The following CEP112 variants were observed in gnomAD, a reference collection of about 807,000 sequenced individuals.
The protein encoded by CEP112 is centrosomal protein 112, also known as centrosomal protein of 112 kDa.
A neutral mutation model predicts 153.0 loss-of-function variants in CEP112; 127 were observed. The ratio of observed to expected loss-of-function variants is 0.83; its 90% CI spans 0.72 to 0.96. The LOEUF is 0.96. Ranked by LOEUF, CEP112 falls within the 40% of genes least tolerant of loss-of-function variation. The pLI is 0.00. For synonymous variants in CEP112, 358 were observed against 374.4 expected (o/e 0.96, Z 0.51); for missense variants, 1,089 against 1,101.2 (o/e 0.99, Z 0.16).
chr17:66,160,812 T>C (rs2146757109), intron 4 of CEP112, among the ~76,000 whole-genome samples: 1 of 151,972 alleles, frequency 6.6e-6, no homozygotes, highest in East Asian at 1.9e-4. Context: ...CCAAAAGCAA[T>C]GGAAACAAAA....
chr17:66,098,339 C>A (rs533888398), intron 6 of CEP112, among the ~76,000 whole-genome samples: 69 of 152,294 alleles, frequency 4.5e-4, no homozygotes, highest in Non-Finnish European at 8.4e-4. Flanking sequence ...TTTCTTTTAA[C>A]ATCCTGGAGT....
chr17:66,130,591 G>C lies in CEP112; in HGVS notation c.565-768C>G, dbSNP rs985067016. Among the ~76,000 whole-genome samples, 120 of 151,838 alleles carry C rather than the reference G, an allele frequency of 7.9e-4. 1 individual carries two copies. Among genetic ancestry groups the C allele is most frequent in the South Asian group, 2.1e-4 (1 of 4,800 alleles). ...GAGATCAAGACCATCCTGGCTAACA[G>C]GCTGAAACCCTGTCTCTACTAAAAA... On this transcript the variant is annotated intron_variant, in intron 5 of 26. Transcript: ENST00000535342.
chr17:66,044,076 C>G (rs993083045), intron 12 of CEP112, among the ~76,000 whole-genome samples: 1 of 152,084 alleles, frequency 6.6e-6, no homozygotes, highest in East Asian at 1.9e-4. Flanking sequence ...GGTTTGAATG[C>G]TAATTTTTAA....
chr17:65,866,002 C>T (rs1390681979), intron 20 of CEP112, among the ~76,000 whole-genome samples: 1 of 151,964 alleles, frequency 6.6e-6, no homozygotes, highest in Non-Finnish European at 1.5e-5. Context: ...TCACTCAGGT[C>T]GGGGCTGTGG....
At chr17:66,163,531 TTTTAA>T (rs2071803139) in intron 4 of CEP112, among the ~76,000 whole-genome samples, 1 of 152,036 alleles carries the variant, frequency 6.6e-6, no homozygotes, top group South Asian at 2.1e-4. Flanking sequence ...AACATACTTA[TTTTAA>T]TTTTTCAAAA....
At chr17:65,662,583 T>C (rs989530625) in intron 24 of CEP112, among the ~76,000 whole-genome samples, 2 of 152,194 alleles carry the variant, frequency 1.3e-5, no homozygotes, top group African/African-American at 4.8e-5. Context: ...ATTCTGATGA[T>C]GTCTGAAAAG....
At chr17:65,861,958 A>G (rs1388376343) in intron 20 of CEP112, among the ~76,000 whole-genome samples, 1 of 152,244 alleles carries the variant, frequency 6.6e-6, no homozygotes, top group African/African-American at 2.4e-5. Flanking sequence ...CTTGTCCGTC[A>G]TAGTTGTCAT....
rs1568314896 is a variant in CEP112, at chr17:65,970,483, G to GCATGCACACATGCATGTATATTACATA, written c.1737-8886_1737-8885insTATGTAATATACATGCATGTGTGCATG. On this transcript the variant is annotated intron_variant, in intron 17 of 26. Transcript: ENST00000535342. ...ATGCACACATGCATGTATATTACAT[G>GCATGCACACATGCATGTATATTACATA]CATGCACACTACATGCATATTATAT... Among the ~76,000 whole-genome samples, 177 of 68,506 alleles carry GCATGCACACATGCATGTATATTACATA rather than the reference G, an allele frequency of 2.6e-3. 19 individuals carry two copies. The highest frequency in any genetic ancestry group is 6.5e-3 in the African/African-American group (166 of 25,564). 44.9% of individuals were successfully genotyped at this position (68,506 alleles called of 152,430 possible).
intron 17 of CEP112, among the ~76,000 whole-genome samples, chr17:66,001,709 A>G (rs1477713681): frequency 6.6e-6 from 1 of 152,208 alleles, no homozygotes; most frequent in African/African-American, 2.4e-5. Context: ...ATTAAATTTG[A>G]TAACACAAGA....
chr17:65,636,955 T>G, intron 26 of CEP112, 169 bp downstream of exon 26: 2 of 605,038 alleles, frequency 3.3e-6, no homozygotes. Flanking sequence ...AGCACTGGGA[T>G]GAGAAGGGGG....
intron 20 of CEP112, among the ~76,000 whole-genome samples, chr17:65,860,568 G>A (rs2058282126): frequency 6.6e-6 from 1 of 152,158 alleles, no homozygotes; most frequent in African/African-American, 2.4e-5. Flanking sequence ...ATTGACCAAT[G>A]AAACAGAATT....
At chr17:65,875,761 C>T (rs1484968694) in intron 20 of CEP112, among the ~76,000 whole-genome samples, 1 of 152,082 alleles carries the variant, frequency 6.6e-6, no homozygotes, top group Admixed American at 6.5e-5. Context: ...TCTCACAACC[C>T]CTATTATCTA....
intron 19 of CEP112, among the ~76,000 whole-genome samples, chr17:65,908,058 T>A (rs1268352174): frequency 6.6e-6 from 1 of 152,140 alleles, no homozygotes. Context: ...CCATAATACA[T>A]GCTACAAGGG....
At chr17:66,186,997 A>G (rs529784406) in intron 1 of CEP112, among the ~76,000 whole-genome samples, 5 of 152,082 alleles carry the variant, frequency 3.3e-5, no homozygotes, top group African/African-American at 1.2e-4. Flanking sequence ...CTCTCCCTCT[A>G]CCTGTCCTCT....
Position 65,641,079 on chromosome 17 carries a change from A to G in CEP112, c.2698-14T>C. 7.4e-7 allele frequency: 1 copy of G among 1,359,632 alleles called. No homozygotes were observed. Among genetic ancestry groups the G allele is most frequent in the Non-Finnish European group, 1.1e-6 (1 of 948,928 alleles). The allele number at this position is 1,359,632 out of a possible 1,614,324, so 84.2% of individuals were successfully genotyped here. ...TATGTAAGTTATCTAAATTGGAAAAAAATTAAGAGTTATCTTTTTACCACA... is the reference window on the plus strand; with the variant it reads ...TATGTAAGTTATCTAAATTGGAAAAGAATTAAGAGTTATCTTTTTACCACA... On this transcript the variant is annotated splice_polypyrimidine_tract_variant and intron_variant, in intron 24 of 26. Coordinates refer to ENST00000535342, the MANE Select transcript of CEP112 (RefSeq NM_001199165.4).
chr17:65,793,425 C>A (rs1166884524), intron 21 of CEP112, among the ~76,000 whole-genome samples: 1 of 152,060 alleles, frequency 6.6e-6, no homozygotes, highest in African/African-American at 2.4e-5. Flanking sequence ...ATCTGTGCAG[C>A]AAACTACCAT....
intron 11 of CEP112, among the ~76,000 whole-genome samples, chr17:66,059,677 G>A (rs1002333304): frequency 6.6e-6 from 1 of 152,154 alleles, no homozygotes; most frequent in Non-Finnish European, 1.5e-5. Flanking sequence ...CAGAGAAAAA[G>A]GAATGCTTAT....
intron 19 of CEP112, among the ~76,000 whole-genome samples, chr17:65,906,413 A>G (rs932732783): frequency 6.6e-6 from 1 of 151,532 alleles, no homozygotes; most frequent in African/African-American, 2.4e-5. Flanking sequence ...AACTTAAAGT[A>G]TAATAATAAT....
At chr17:65,689,056 C>T (rs11079582) in intron 24 of CEP112, 73 bp downstream of exon 24, 378,252 of 1,104,892 alleles carry the variant, frequency 0.34, 65,153 homozygotes, top group Middle Eastern at 0.45. Flanking sequence ...GTGTGAGCCA[C>T]TGCACCTGGC....
Sources: gnomAD v4.1 joint callset for allele counts (sites outside exome capture counted in the v4.1 genomes callset) on GRCh38, gnomAD v4.1.1 for gene constraint, MANE v1.5 for transcripts, NCBI Gene and HGNC (gene_info 2026-07-23, HGNC 2026-07-21) for gene names.